Variants in SUPT3H observed in about 807,000 individuals in gnomAD.
SUPT3H encodes the protein SPT3 homolog, SAGA and STAGA complex component, also known as transcription initiation protein SPT3 homolog.
Under a neutral mutation model 44.3 loss-of-function variants are expected in SUPT3H, and 44 were observed. The observed-to-expected ratio is 0.99, with a 90% confidence interval of 0.78 to 1.28. The LOEUF (loss-of-function observed/expected upper bound fraction) is 1.28, where lower values mean the gene tolerates loss of function less well. SUPT3H is among the 50% of genes most tolerant of loss of function. The pLI is 0.00. For synonymous variants in SUPT3H, 124 were observed against 125.6 expected, an observed-to-expected ratio of 0.99 and a Z score of 0.09; for missense variants, 380 against 387.1, an observed-to-expected ratio of 0.98 and a Z score of 0.15.
At chr6:45,250,904 G>A (rs762498680) in intron 2 of SUPT3H, 4 of 151,846 alleles carry the variant, frequency 2.6e-5, no homozygotes, top group Non-Finnish European at 5.9e-5. Flanking sequence ...ATAGTTCACT[G>A]CAGCTTTGAA....
chr6:44,930,739 T>C (rs73443219), intron 10 of SUPT3H, among the ~76,000 whole-genome samples: 17,924 of 152,146 alleles, frequency 0.12, 1,244 homozygotes, highest in African/African-American at 0.19. Context: ...TTGATTTTGT[T>C]TGATTGTTCT....
At chr6:45,303,792 A>G (rs1782554289) in intron 2 of SUPT3H, among the ~76,000 whole-genome samples, 1 of 152,060 alleles carries the variant, frequency 6.6e-6, no homozygotes, top group Non-Finnish European at 1.5e-5. Flanking sequence ...CAGGAGTTCA[A>G]GACCAGCCTG....
At position 44,961,984 on chromosome 6, in the gene SUPT3H, A is replaced by T. The variant is rs535189881; in HGVS notation, c.505-156T>A. Among the ~76,000 whole-genome samples the T allele has an allele frequency of 2.0e-5, 3 of 152,316 alleles. No homozygotes were observed. In the East Asian group the frequency reaches 5.8e-4, roughly 29 times the overall value. The stretch of plus-strand genomic sequence containing the variant: ...AGATCACGATACATAAAATCACAAT[A>T]ACTAACACTAGTTGTGAAGCTGGTG... On this transcript the variant is annotated intron_variant, in intron 6 of 10. Coordinates refer to ENST00000371459, the MANE Select transcript of SUPT3H (RefSeq NM_003599.4).
Position 45,180,950 on chromosome 6 carries a change from A to C in SUPT3H, c.102-74944T>G, listed in dbSNP as rs1202687551. On this transcript the variant is annotated intron_variant, in intron 2 of 10. Coordinates refer to ENST00000371459, the MANE Select transcript of SUPT3H (RefSeq NM_003599.4). ...ACAGGCAACCTACAAAATGGGAGAA[A>C]ATTTTCACAACCTACTCATCTGACA... Among the ~76,000 whole-genome samples the C allele has an allele frequency of 6.0e-5, 9 of 151,140 alleles. No individual in the cohort carries two copies. In the East Asian group the frequency reaches 1.8e-3, roughly 29 times the overall value.
intron 3 of SUPT3H, among the ~76,000 whole-genome samples, chr6:45,039,033 A>G (rs542765204): frequency 3.3e-5 from 5 of 152,282 alleles, no homozygotes; most frequent in African/African-American, 1.2e-4. Flanking sequence ...TTTCTCAAGG[A>G]CATTGATTTG....
At chr6:45,043,269 A>C (rs553111350) in intron 3 of SUPT3H, among the ~76,000 whole-genome samples, 6 of 152,250 alleles carry the variant, frequency 3.9e-5, no homozygotes, top group African/African-American at 1.4e-4. Context: ...TCTCCATGAA[A>C]ATGAGAGAAA....
At chr6:45,307,732 G>A (rs554550594) in intron 2 of SUPT3H, among the ~76,000 whole-genome samples, 8 of 152,326 alleles carry the variant, frequency 5.3e-5, no homozygotes, top group East Asian at 1.9e-4. Context: ...CTAAAGGAAC[G>A]CAGCTCCTCA....
chr6:45,295,541 A>AC (rs1341094736), intron 2 of SUPT3H, among the ~76,000 whole-genome samples: 17 of 147,558 alleles, frequency 1.2e-4, no homozygotes, highest in East Asian at 5.9e-4. Context: ...AAAAAAAAAA[A>AC]AAAAAAAAAA....
chr6:45,336,052 C>G (rs970407103), intron 2 of SUPT3H, among the ~76,000 whole-genome samples: 5 of 151,182 alleles, frequency 3.3e-5, no homozygotes, highest in African/African-American at 1.2e-4. Flanking sequence ...TTAATCCAAC[C>G]TCCTTTCCAC....
At chr6:45,337,975 A>C (rs1788940947) in intron 2 of SUPT3H, among the ~76,000 whole-genome samples, 1 of 151,972 alleles carries the variant, frequency 6.6e-6, no homozygotes, top group African/African-American at 2.4e-5. Flanking sequence ...AGGATTCTAA[A>C]TGCTTCTTTC....
At chr6:45,299,381 G>A (rs1781792754) in intron 2 of SUPT3H, among the ~76,000 whole-genome samples, 1 of 151,020 alleles carries the variant, frequency 6.6e-6, no homozygotes, top group Admixed American at 6.6e-5. Context: ...TTAAACTGAT[G>A]ACTATGTTAA....
intron 3 of SUPT3H, among the ~76,000 whole-genome samples, chr6:45,036,247 T>C (rs1231632565): frequency 3.3e-5 from 5 of 152,098 alleles, no homozygotes; most frequent in African/African-American, 1.2e-4. Flanking sequence ...TGTGGATTAC[T>C]TTATACAGGG....
chr6:44,813,888 C>T (rs1179174197), intron 11 of SUPT3H, among the ~76,000 whole-genome samples: 1 of 151,666 alleles, frequency 6.6e-6, no homozygotes, highest in Non-Finnish European at 1.5e-5. Context: ...TGACATACAT[C>T]TAATTGAAAT....
intron 2 of SUPT3H, among the ~76,000 whole-genome samples, chr6:45,327,822 T>G (rs1786622121): frequency 6.6e-6 from 1 of 151,734 alleles, no homozygotes; most frequent in South Asian, 2.1e-4. Flanking sequence ...CCAGCAAATA[T>G]GAAGCAGACC....
In SUPT3H at chr6:45,166,131, A is replaced by G. The variant is rs552167673; in HGVS notation, c.102-60125T>C. Among the ~76,000 whole-genome samples, 17 of 152,268 alleles carry G rather than the reference A, an allele frequency of 1.1e-4. No individual in the cohort carries two copies. In the South Asian group the frequency reaches 3.5e-3, roughly 32 times the overall value. ...AACACAGGGAGATGTCATCTCTACAAAAAATTTAAAAATTAGCTGGAGGTG... is the reference window on the plus strand; with the variant it reads ...AACACAGGGAGATGTCATCTCTACAGAAAATTTAAAAATTAGCTGGAGGTG... On this transcript the variant is annotated intron_variant, in intron 2 of 10. Transcript: ENST00000371459.
chr6:45,281,772 G>C (rs1401015284), intron 2 of SUPT3H, among the ~76,000 whole-genome samples: 1 of 152,148 alleles, frequency 6.6e-6, no homozygotes, highest in Non-Finnish European at 1.5e-5. Flanking sequence ...GGAGATCTGA[G>C]AACAGACAGA....
At chr6:44,874,963 C>G in intron 10 of SUPT3H, among the ~76,000 whole-genome samples, 1 of 117,130 alleles carries the variant, frequency 8.5e-6, no homozygotes, top group Non-Finnish European at 1.8e-5. Flanking sequence ...AGGACCTCTT[C>G]AAGGAGAACT....
chr6:44,936,143 G>A (rs1177615207), intron 9 of SUPT3H, among the ~76,000 whole-genome samples: 1 of 152,142 alleles, frequency 6.6e-6, no homozygotes, highest in African/African-American at 2.4e-5. Flanking sequence ...GATATGATCT[G>A]GCCAAGGAAG....
intron 6 of SUPT3H, among the ~76,000 whole-genome samples, chr6:44,994,795 T>C (rs1781060297): frequency 6.6e-6 from 1 of 152,124 alleles, no homozygotes; most frequent in Non-Finnish European, 1.5e-5. Flanking sequence ...AAAAGCAGAA[T>C]AGGGAATTGG....
Sources: allele counts gnomAD v4.1 joint callset (sites outside exome capture counted in the v4.1 genomes callset), GRCh38; gene constraint gnomAD v4.1.1; transcripts MANE v1.5; gene names NCBI Gene and HGNC (gene_info 2026-07-23, HGNC 2026-07-21).